The following RTL6 variants were observed in gnomAD, a reference collection of about 807,000 sequenced individuals.
The protein encoded by RTL6 is retrotransposon Gag-like protein 6.
RTL6 carries 9 observed loss-of-function variants against 12.4 expected under a neutral mutation model. The observed-to-expected ratio is 0.73, with a 90% confidence interval of 0.44 to 1.27. The LOEUF (loss-of-function observed/expected upper bound fraction) is 1.27, where lower values mean the gene tolerates loss of function less well. Among genes scored for constraint, RTL6 ranks in the 50% most tolerant of loss-of-function variants. RTL6 has a pLI of 0.00. For missense variants in RTL6, 291 were observed against 330.7 expected (o/e 0.88, Z 0.93); for synonymous variants, 160 against 142.8 (o/e 1.12, Z -0.86).
In RTL6 at chr22:44,497,256, G is replaced by C; in HGVS notation, c.301C>G (p.Leu101Val). The C allele has an allele frequency of 6.2e-7, 1 of 1,614,248 alleles. No individual in the cohort carries two copies. Among genetic ancestry groups the C allele is most frequent in the South Asian group, 1.1e-5 (1 of 91,088 alleles). ...GGGTCCCCGGAAAAGGGCTCGGGCA[G>C]AGAGGTTGGAGGTGTGGTCATGGGT... ...TRPMTTPPTSLPEPFSGDPGR... is the reference protein window; with the variant it reads ...TRPMTTPPTSVPEPFSGDPGR... The change falls in exon 2 of 2, where the codon CTG becomes GTG. Residue 101 changes from leucine (L) to valine (V), a missense_variant. By Grantham distance (32) the Leu-to-Val change is conservative. Around this residue, in one of 3 missense-constraint regions of RTL6, gnomAD observed 155 missense variants for 149.2 expected, o/e 1.04. Transcript: ENST00000341255.
chr22:44,496,463 G>A lies in RTL6; in HGVS notation c.*374C>T, dbSNP rs1924449750. ...GGAGCCGCCAGGGGAGCTTGGAGAG[G>A]GCAGAGTAGGAGCCTCCATGAACCA... On this transcript the variant is annotated 3_prime_UTR_variant, in exon 2 of 2. Transcript: ENST00000341255. 2 of 212,740 alleles carry A rather than the reference G, an allele frequency of 9.4e-6. No homozygotes were observed. Among genetic ancestry groups the A allele is most frequent in the Non-Finnish European group, 1.9e-5 (2 of 107,824 alleles). 13.2% of individuals were successfully genotyped at this position (212,740 alleles called of 1,614,324 possible).
At position 44,494,683 on chromosome 22, in the gene RTL6, G is replaced by A. The variant is rs896766064; in HGVS notation, c.*2154C>T. 1 of 152,430 alleles carries A rather than the reference G, an allele frequency of 6.6e-6. No individual in the cohort carries two copies. Among genetic ancestry groups the A allele is most frequent in the African/African-American group, 2.4e-5 (1 of 41,318 alleles). 9.4% of individuals were successfully genotyped at this position (152,430 alleles called of 1,614,324 possible). ...GGGAGTGTGTGGACAGGGAGTGTGT[G>A]GACAGGGAGTGTGTGGACAGGGAGC... On this transcript the variant is annotated 3_prime_UTR_variant, in exon 2 of 2. Coordinates refer to ENST00000341255, the MANE Select transcript of RTL6 (RefSeq NM_032287.3).
chr22:44,496,930 C>A lies in RTL6; in HGVS notation c.627G>T (p.Leu209=). The A allele has an allele frequency of 6.2e-7, 1 of 1,613,280 alleles. No homozygotes were observed. Among genetic ancestry groups the A allele is most frequent in the Non-Finnish European group, 8.5e-7 (1 of 1,179,706 alleles). ...VRERQMLCRQ[L]ASAGTGPCPV... is the part of the protein sequence containing the mutation. The stretch of plus-strand genomic sequence containing the variant: ...GGCAAGGCCCCGTGCCCGCAGAGGC[C>A]AGCTGGCGGCAGAGCATCTGCCTCT... The change falls in exon 2 of 2, where the codon CTG becomes CTT. Residue 209 remains leucine (L), a synonymous_variant. Coordinates refer to ENST00000341255, the MANE Select transcript of RTL6 (RefSeq NM_032287.3).
At position 44,497,589 on chromosome 22, in the gene RTL6, G is replaced by A. The variant is rs766465243; in HGVS notation, c.-33C>T. 3 of 1,604,880 alleles carry A rather than the reference G, an allele frequency of 1.9e-6. No homozygotes were observed. The highest frequency in any genetic ancestry group is 2.2e-5 in the South Asian group (2 of 89,428). ...AGAGGTCAGCCACACGCTGAGATCC[G>A]CGGGTGGACCAAGAGGGTGTGGTGA... On this transcript the variant is annotated 5_prime_UTR_variant, in exon 2 of 2. Transcript: ENST00000341255.
At position 44,496,686 on chromosome 22, in the gene RTL6, G is replaced by T. The variant is rs1046779367; in HGVS notation, c.*151C>A. 8 of 1,000,122 alleles carry T rather than the reference G, an allele frequency of 8.0e-6. No individual in the cohort carries two copies. The highest frequency in any genetic ancestry group is 1.2e-5 in the Non-Finnish European group (8 of 684,244). The allele number at this position is 1,000,122 out of a possible 1,614,324, so 62.0% of individuals were successfully genotyped here. A position where few individuals can be genotyped will look rare whatever the true frequency, so the allele number is the denominator to read the frequency against. On this transcript the variant is annotated 3_prime_UTR_variant, in exon 2 of 2. Coordinates refer to ENST00000341255, the MANE Select transcript of RTL6 (RefSeq NM_032287.3). Reference sequence around the variant, plus strand: ...GGGCAACCAGGGCGCCAGGAAGGACGGAAGGAAGATCTCCTCGGGGAACAC... The same window carrying T: ...GGGCAACCAGGGCGCCAGGAAGGACTGAAGGAAGATCTCCTCGGGGAACAC...
chr22:44,497,323 C>G lies in RTL6; in HGVS notation c.234G>C (p.Gln78His), dbSNP rs1179018185. The G allele has an allele frequency of 1.9e-6, 3 of 1,613,644 alleles. No individual in the cohort carries two copies. Among genetic ancestry groups the G allele is most frequent in the Admixed American group, 1.7e-5 (1 of 60,020 alleles). The change falls in exon 2 of 2, where the codon CAG becomes CAC. Residue 78 changes from glutamine (Q) to histidine (H), a missense_variant. Coordinates refer to ENST00000341255, the MANE Select transcript of RTL6 (RefSeq NM_032287.3). ...TAATTGAGGAGATGGGCGGGGTGAT[C>G]TGCAGAGCCCCCGGGATCCGCGCCC... ...RTRARIPGAL[Q>H]ITPPISSITS...
chr22:44,493,154 A>G lies in RTL6; in HGVS notation c.*3683T>C, dbSNP rs1924349757. On this transcript the variant is annotated 3_prime_UTR_variant, in exon 2 of 2. Coordinates refer to ENST00000341255, the MANE Select transcript of RTL6 (RefSeq NM_032287.3). ...CGATATGCTAAGTGAAAACAGCTGC[A>G]CAAAACTGTATCATTACAGAAGACA... The G allele has an allele frequency of 6.6e-6, 1 of 152,246 alleles. No homozygotes were observed. The highest frequency in any genetic ancestry group is 2.1e-4 in the South Asian group (1 of 4,826). The allele number at this position is 152,246 out of a possible 1,614,324, so 9.4% of individuals were successfully genotyped here.
chr22:44,497,438 C>G lies in RTL6; in HGVS notation c.119G>C (p.Arg40Thr). ...CGCCCGCAGGGTGGAAGCCTCCCGC[C>G]TCAGCGCCGAGTTGGTGAGGCGCAG... is the stretch of plus-strand genomic sequence containing the variant. Reference protein sequence around the residue: ...TSLRLTNSALRREASTLRAEK... With the variant: ...TSLRLTNSALTREASTLRAEK... The change falls in exon 2 of 2, where the codon AGG (arginine) becomes ACG (threonine). Residue 40 changes from arginine to threonine, a missense_variant. Arg to Thr is a moderately conservative substitution (Grantham distance 71). Coordinates refer to ENST00000341255, the MANE Select transcript of RTL6 (RefSeq NM_032287.3). The G allele has an allele frequency of 6.2e-7, 1 of 1,614,212 alleles. No individual in the cohort carries two copies. Among genetic ancestry groups the G allele is most frequent in the Non-Finnish European group, 8.5e-7 (1 of 1,180,044 alleles).
In RTL6 at chr22:44,492,793, G is replaced by A. The variant is rs1035324166; in HGVS notation, c.*4044C>T. 6.6e-6 allele frequency: 1 copy of A among 152,220 alleles called. No homozygotes were observed. The highest frequency in any genetic ancestry group is 1.5e-5 in the Non-Finnish European group (1 of 68,036). 9.4% of individuals were successfully genotyped at this position (152,220 alleles called of 1,614,324 possible). ...TATCAAATTAGCAAATATTTAGCCAGATGATAATTCCCAATACGGGCAAGA... is the reference window on the plus strand; with the variant it reads ...TATCAAATTAGCAAATATTTAGCCAAATGATAATTCCCAATACGGGCAAGA... On this transcript the variant is annotated 3_prime_UTR_variant, in exon 2 of 2. Transcript: ENST00000341255.
chr22:44,494,536 C>A lies in RTL6; in HGVS notation c.*2301G>T. On this transcript the variant is annotated 3_prime_UTR_variant, in exon 2 of 2. Transcript: ENST00000341255. ...AAGGTCCTAAGTGCATACCAGCACT[C>A]GTCCCAAGCCCACACACATAAGCAC... The A allele has an allele frequency of 6.6e-6, 1 of 152,422 alleles. No homozygotes were observed. Among genetic ancestry groups the A allele is most frequent in the East Asian group, 1.9e-4 (1 of 5,190 alleles). 9.4% of individuals were successfully genotyped at this position (152,422 alleles called of 1,614,324 possible).
chr22:44,497,948 G>T, intron 1 of RTL6, 96 bp downstream of exon 1: 1 of 166,836 alleles, frequency 6.0e-6, no homozygotes, highest in Non-Finnish European at 1.3e-5. Context: ...CGCCCGCCCG[G>T]GGGAGAACAA....
chr22:44,496,744 AG>A lies in RTL6; in HGVS notation c.*92del. ...GAGGCAAGAAGGGAGGTCTTCAAAC[AG>A]GGGCAAAGCTGTCGTATGGGCATTT... On this transcript the variant is annotated 3_prime_UTR_variant, in exon 2 of 2. Coordinates refer to ENST00000341255, the MANE Select transcript of RTL6 (RefSeq NM_032287.3). 1 of 1,445,310 alleles carries A rather than the reference AG, an allele frequency of 6.9e-7. No individual in the cohort carries two copies. Among genetic ancestry groups the A allele is most frequent in the Non-Finnish European group, 9.3e-7 (1 of 1,079,398 alleles). 89.5% of individuals were successfully genotyped at this position (1,445,310 alleles called of 1,614,324 possible).
Position 44,497,073 on chromosome 22 carries a change from A to AT in RTL6, c.483_484insA (p.Leu162IlefsTer35). Reference sequence around the variant, plus strand: ...AGGAACCCCTGATAGTTGTTGCGCAAGGGGCTGTCAGGTTGCATGTGGGGG... The same window carrying AT: ...AGGAACCCCTGATAGTTGTTGCGCAATGGGGCTGTCAGGTTGCATGTGGGGG... On this transcript the variant is annotated frameshift_variant, in exon 2 of 2. Coordinates refer to ENST00000341255, the MANE Select transcript of RTL6 (RefSeq NM_032287.3). LOFTEE classifies it high-confidence loss of function. The AT allele has an allele frequency of 6.2e-7, 1 of 1,614,174 alleles. No individual in the cohort carries two copies. The highest frequency in any genetic ancestry group is 8.5e-7 in the Non-Finnish European group (1 of 1,180,024).
chr22:44,495,340 G>A lies in RTL6; in HGVS notation c.*1497C>T, dbSNP rs768038179. The A allele has an allele frequency of 1.3e-5, 2 of 152,660 alleles. No individual in the cohort carries two copies. The highest frequency in any genetic ancestry group is 2.1e-4 in the South Asian group (1 of 4,818). The allele number at this position is 152,660 out of a possible 1,614,324, so 9.5% of individuals were successfully genotyped here. On this transcript the variant is annotated 3_prime_UTR_variant, in exon 2 of 2. Coordinates refer to ENST00000341255, the MANE Select transcript of RTL6 (RefSeq NM_032287.3). ...CATATACATGTCTTTAGGTGGGTGCGGAGGTTGTCCTTCTGCAATCAAGCC... is the reference window on the plus strand; with the variant it reads ...CATATACATGTCTTTAGGTGGGTGCAGAGGTTGTCCTTCTGCAATCAAGCC...
In RTL6 at chr22:44,497,568, G is replaced by A. The variant is rs1924492981; in HGVS notation, c.-12C>T. On this transcript the variant is annotated 5_prime_UTR_variant, in exon 2 of 2. Coordinates refer to ENST00000341255, the MANE Select transcript of RTL6 (RefSeq NM_032287.3). The stretch of plus-strand genomic sequence containing the variant: ...TGCGGCTGCACCATGCTGGCCAGAG[G>A]TCAGCCACACGCTGAGATCCGCGGG... 17 of 1,612,126 alleles carry A rather than the reference G, an allele frequency of 1.1e-5. No individual in the cohort carries two copies. The highest frequency in any genetic ancestry group is 1.4e-5 in the Non-Finnish European group (17 of 1,179,300).
Position 44,497,248 on chromosome 22 carries a change from C to T in RTL6, c.309G>A (p.Glu103=), listed in dbSNP as rs142014392. Residue 103 remains glutamate, a synonymous_variant, in exon 2 of 2, where the codon GAG becomes GAA. Transcript: ENST00000341255. ...ACCGGCCTGGGTCCCCGGAAAAGGG[C>T]TCGGGCAGAGAGGTTGGAGGTGTGG... ...PMTTPPTSLP[E]PFSGDPGRLA... is the part of the protein sequence containing the mutation. The T allele has an allele frequency of 1.4e-5, 22 of 1,614,224 alleles. No individual in the cohort carries two copies. The African/African-American group carries it at 2.9e-4, about 22-fold the overall frequency.
rs772594082 is a variant in RTL6, at chr22:44,496,797, A to G, written c.*40T>C. The G allele has an allele frequency of 5.2e-6, 8 of 1,525,176 alleles. No homozygotes were observed. The highest frequency in any genetic ancestry group is 7.0e-6 in the Non-Finnish European group (8 of 1,138,272). 94.5% of individuals were successfully genotyped at this position (1,525,176 alleles called of 1,614,324 possible). On this transcript the variant is annotated 3_prime_UTR_variant, in exon 2 of 2. Coordinates refer to ENST00000341255, the MANE Select transcript of RTL6 (RefSeq NM_032287.3). Reference sequence around the variant, plus strand: ...TTCTACACAGCAAAGAGCGTATGCTACCTGGGTGGCTGCAGACGCTACCAA... The same window carrying G: ...TTCTACACAGCAAAGAGCGTATGCTGCCTGGGTGGCTGCAGACGCTACCAA...
chr22:44,497,592 G>A lies in RTL6; in HGVS notation c.-36C>T. On this transcript the variant is annotated 5_prime_UTR_variant, in exon 2 of 2. Coordinates refer to ENST00000341255, the MANE Select transcript of RTL6 (RefSeq NM_032287.3). ...GGTCAGCCACACGCTGAGATCCGCG[G>A]GTGGACCAAGAGGGTGTGGTGACCA... The A allele has an allele frequency of 6.2e-7, 1 of 1,603,240 alleles. No homozygotes were observed. Among genetic ancestry groups the A allele is most frequent in the Non-Finnish European group, 8.5e-7 (1 of 1,174,936 alleles).
At position 44,495,198 on chromosome 22, in the gene RTL6, A is replaced by G. The variant is rs965887590; in HGVS notation, c.*1639T>C. ...CAGTAGTCTGCGGACCCCAGCAACC[A>G]CTGAATGTCCTTGACCTTGCAAGGC... is the stretch of plus-strand genomic sequence containing the variant. On this transcript the variant is annotated 3_prime_UTR_variant, in exon 2 of 2. Coordinates refer to ENST00000341255, the MANE Select transcript of RTL6 (RefSeq NM_032287.3). 6.6e-6 allele frequency: 1 copy of G among 152,658 alleles called. No individual in the cohort carries two copies. Among genetic ancestry groups the G allele is most frequent in the Non-Finnish European group, 1.5e-5 (1 of 68,056 alleles). The allele number at this position is 152,658 out of a possible 1,614,324, so 9.5% of individuals were successfully genotyped here.
Sources: gnomAD v4.1 joint callset for allele counts on GRCh38, gnomAD v4.1.1 for gene constraint, gnomAD v4.1.1 regional missense constraint, MANE v1.5 for transcripts, NCBI Gene and HGNC (gene_info 2026-07-23, HGNC 2026-07-21) for gene names.